The following GRIA1 variants were observed in gnomAD, a reference collection of about 807,000 sequenced individuals.
The protein encoded by GRIA1 is glutamate receptor 1.
GRIA1 carries 31 observed loss-of-function variants against 99.2 expected under a neutral mutation model. The observed-to-expected ratio is 0.31, with a 90% confidence interval of 0.23 to 0.42. The LOEUF is 0.42. Among genes scored for constraint, GRIA1 ranks in the 10% least tolerant of loss-of-function variants. GRIA1 has a pLI of 1.00. For synonymous variants in GRIA1, 438 were observed against 432.4 expected (o/e 1.01, Z -0.16); for missense variants, 782 against 1,157.5 (o/e 0.68, Z 4.71).
At chr5:153,698,826 C>T in intron 9 of GRIA1, 41 bp from the exon 10 acceptor site, 1 of 1,340,908 alleles carries the variant, frequency 7.5e-7, no homozygotes, top group Non-Finnish European at 1.1e-6. Context: ...CATGGGTGAA[C>T]CCATAACCCA....
chr5:153,613,772 G>A (rs902237811), intron 2 of GRIA1, among the ~76,000 whole-genome samples: 1 of 152,024 alleles, frequency 6.6e-6, no homozygotes, highest in Non-Finnish European at 1.5e-5. Context: ...GGGCTTGAGA[G>A]AGGCATTTAC....
intron 11 of GRIA1, among the ~76,000 whole-genome samples, chr5:153,717,972 G>GA (rs143598167): frequency 0.025 from 3,854 of 151,980 alleles, 69 homozygotes; most frequent in African/African-American, 0.061. Flanking sequence ...TTTGGGAATG[G>GA]AAAAAAAATC....
At chr5:153,797,896 C>T (rs1330033333) in intron 14 of GRIA1, among the ~76,000 whole-genome samples, 1 of 152,156 alleles carries the variant, frequency 6.6e-6, no homozygotes, top group Non-Finnish European at 1.5e-5. Flanking sequence ...GAAGAGCAGA[C>T]GTTACCAATT....
intron 1 of GRIA1, chr5:153,492,388 G>C: frequency 7.6e-7 from 1 of 1,323,984 alleles, no homozygotes; most frequent in Non-Finnish European, 1.0e-6. Context: ...AGCCCAGCCC[G>C]TAGCCTTCTA....
At position 153,724,578 on chromosome 5, in the gene GRIA1, G is replaced by T. The variant is rs555896450; in HGVS notation, c.1823+18511G>T. 7.7e-3 allele frequency among the ~76,000 whole-genome samples: 1,173 copies of T among 152,350 alleles called. 21 individuals are homozygous for T. Among genetic ancestry groups the T allele is most frequent in the African/African-American group, 0.027 (1,108 of 41,578 alleles). On this transcript the variant is annotated intron_variant, in intron 11 of 15. Transcript: ENST00000285900. ...GGAGCTGATGGAGCTGAAAGCCAAG[G>T]CTTGAGAACTACGTGAAGAATGCAG...
At chr5:153,532,163 GT>G (rs1758154039) in intron 2 of GRIA1, among the ~76,000 whole-genome samples, 1 of 152,128 alleles carries the variant, frequency 6.6e-6, no homozygotes, top group Admixed American at 6.5e-5. Flanking sequence ...CTGAAAGTAT[GT>G]TTTTTCCTCC....
chr5:153,762,421 C>T (rs1163982378), intron 11 of GRIA1, among the ~76,000 whole-genome samples: 5 of 152,146 alleles, frequency 3.3e-5, no homozygotes. Context: ...GTATCTGCCA[C>T]CTACTAAGAT....
At chr5:153,496,356 T>C (rs943518566) in intron 2 of GRIA1, among the ~76,000 whole-genome samples, 23 of 152,206 alleles carry the variant, frequency 1.5e-4, no homozygotes, top group South Asian at 1.2e-3. Flanking sequence ...GTTCGTTCAG[T>C]TAATTCTTTA....
chr5:153,640,281 TCTC>T (rs1753694009), intron 2 of GRIA1, among the ~76,000 whole-genome samples: 1 of 152,168 alleles, frequency 6.6e-6, no homozygotes, highest in African/African-American at 2.4e-5. Context: ...TTCTTCCACA[TCTC>T]CTTTTGCAGC....
intron 2 of GRIA1, among the ~76,000 whole-genome samples, chr5:153,642,651 A>AG: frequency 6.7e-6 from 1 of 148,928 alleles, no homozygotes; most frequent in Non-Finnish European, 1.5e-5. Context: ...AAAAAAAAAA[A>AG]CAAAGAAGAA....
At chr5:153,634,110 A>G (rs1036826405) in intron 2 of GRIA1, among the ~76,000 whole-genome samples, 2 of 152,060 alleles carry the variant, frequency 1.3e-5, no homozygotes, top group Non-Finnish European at 2.9e-5. Flanking sequence ...AGGTCAGGAC[A>G]TCGAGACCAT....
intron 2 of GRIA1, among the ~76,000 whole-genome samples, chr5:153,518,796 A>G (rs1756862709): frequency 6.6e-6 from 1 of 152,198 alleles, no homozygotes; most frequent in Non-Finnish European, 1.5e-5. Flanking sequence ...AGAAATGGAG[A>G]TACTGCGAGG....
chr5:153,520,649 T>G (rs1160472891), intron 2 of GRIA1, among the ~76,000 whole-genome samples: 3 of 152,072 alleles, frequency 2.0e-5, no homozygotes, highest in Non-Finnish European at 2.9e-5. Context: ...TGCTAGAGGC[T>G]CCATAGTTCT....
chr5:153,698,784 T>G, intron 9 of GRIA1, 83 bp from the exon 10 acceptor site: 1 of 866,144 alleles, frequency 1.2e-6, no homozygotes. Context: ...TAACCAAACA[T>G]GATATTATGC....
chr5:153,661,689 T>C (rs1755382915), intron 5 of GRIA1, among the ~76,000 whole-genome samples: 1 of 152,224 alleles, frequency 6.6e-6, no homozygotes, highest in Non-Finnish European at 1.5e-5. Flanking sequence ...AATGAATGAA[T>C]AAATGAATTC....
rs536410335 is a variant in GRIA1 at position 153,582,471 on chromosome 5, T to C, written c.221-64457T>C. The stretch of plus-strand genomic sequence containing the variant: ...CAATTTTTCCTTTTAATTAGCTTAG[T>C]TTGGGGAATGTGGAGCGAGCCTAAA... On this transcript the variant is annotated intron_variant, in intron 2 of 15. Transcript: ENST00000285900. Among the ~76,000 whole-genome samples, 22 of 152,264 alleles carry C rather than the reference T, an allele frequency of 1.4e-4. No homozygotes were observed. In the East Asian group the frequency reaches 1.7e-3, roughly 12 times the overall value.
intron 15 of GRIA1, among the ~76,000 whole-genome samples, chr5:153,803,377 G>C (rs564089988): frequency 6.6e-5 from 10 of 152,284 alleles, no homozygotes; most frequent in African/African-American, 2.4e-4. Flanking sequence ...AATTATTTGT[G>C]GAAGTTAATC....
rs780026097 is a variant in GRIA1 at position 153,698,917 on chromosome 5, T to C, written c.1296T>C (p.Asn432=). The C allele has an allele frequency of 1.3e-5, 21 of 1,613,872 alleles. 1 individual carries two copies. Among genetic ancestry groups the C allele is most frequent in the Admixed American group, 8.3e-5 (5 of 59,996 alleles). The change falls in exon 10 of 16, where the codon AAT becomes AAC. Residue 432 remains asparagine (N), a synonymous_variant. Transcript: ENST00000285900. The part of the protein sequence containing the change: ...LKKNANQFEG[N]DRYEGYCVEL... ...AGAACGCCAATCAGTTTGAGGGCAA[T>C]GACCGTTACGAGGGCTACTGTGTAG...
intron 11 of GRIA1, among the ~76,000 whole-genome samples, chr5:153,724,723 G>A (rs1225302354): frequency 6.6e-6 from 1 of 152,066 alleles, no homozygotes; most frequent in Non-Finnish European, 1.5e-5. Context: ...AATGAACAAA[G>A]CCTCCAAGAA....
Sources: gnomAD v4.1 joint callset for allele counts (sites outside exome capture counted in the v4.1 genomes callset) on GRCh38, gnomAD v4.1.1 for gene constraint, MANE v1.5 for transcripts, NCBI Gene and HGNC (gene_info 2026-07-23, HGNC 2026-07-21) for gene names.